MEGF11: variants seen among roughly 807,000 people sequenced by gnomAD.
MEGF11 encodes the protein multiple epidermal growth factor-like domains protein 11.
A neutral mutation model predicts 146.6 loss-of-function variants in MEGF11; 126 were observed. That is an observed-to-expected ratio of 0.86 (90% CI 0.74 to 1.00). The LOEUF is 1.00. Ranked by LOEUF, MEGF11 falls within the 50% of genes least tolerant of loss-of-function variation. The pLI is 0.00. For missense variants in MEGF11, 1,509 were observed against 1,521.2 expected (o/e 0.99, Z 0.13); for synonymous variants, 532 against 583.4 (o/e 0.91, Z 1.27).
chr15:66,240,903 G>A (rs2092196102), intron 1 of MEGF11, among the ~76,000 whole-genome samples: 1 of 152,182 alleles, frequency 6.6e-6, no homozygotes, highest in African/African-American at 2.4e-5. Flanking sequence ...ATATTATTAA[G>A]TATGTATTAG....
intron 5 of MEGF11, among the ~76,000 whole-genome samples, chr15:66,021,765 C>G (rs2083142429): frequency 6.6e-6 from 1 of 152,224 alleles, no homozygotes; most frequent in Non-Finnish European, 1.5e-5. Context: ...AGTTGGACAT[C>G]TCAGGATGGG....
chr15:66,008,003 T>A (rs432170), intron 5 of MEGF11, among the ~76,000 whole-genome samples: 111,302 of 151,884 alleles, frequency 0.73, 41,630 homozygotes, highest in Non-Finnish European at 0.81. Context: ...CTGCAGCACC[T>A]CCTCCTGCCT....
chr15:65,919,355 A>G (rs1406641741), intron 15 of MEGF11, among the ~76,000 whole-genome samples: 1 of 152,246 alleles, frequency 6.6e-6, no homozygotes, highest in Non-Finnish European at 1.5e-5. Flanking sequence ...GGCATACCTC[A>G]GAGATGTGGG....
intron 5 of MEGF11, among the ~76,000 whole-genome samples, chr15:66,059,653 A>T (rs1297041866): frequency 6.6e-6 from 1 of 151,798 alleles, no homozygotes; most frequent in Non-Finnish European, 1.5e-5. Flanking sequence ...AGAAATATGA[A>T]CTGTGCTGGC....
At chr15:66,073,304 G>A (rs1278973762) in intron 5 of MEGF11, among the ~76,000 whole-genome samples, 1 of 152,214 alleles carries the variant, frequency 6.6e-6, no homozygotes, top group Non-Finnish European at 1.5e-5. Flanking sequence ...AGCCCTTGCT[G>A]AGGATGGGCG....
intron 5 of MEGF11, among the ~76,000 whole-genome samples, chr15:65,984,525 CA>C (rs35017296): frequency 6.8e-3 from 338 of 49,484 alleles, no homozygotes; most frequent in East Asian, 0.035. Context: ...GACTCCGTGT[CA>C]AAAAAAAAAA....
chr15:66,035,309 T>C (rs74023655), intron 5 of MEGF11, among the ~76,000 whole-genome samples: 5,791 of 151,460 alleles, frequency 0.038, 341 homozygotes, highest in African/African-American at 0.14. Context: ...CTGCCGCTGG[T>C]GCTGCCACTC....
At chr15:66,018,287 C>T (rs2082966532) in intron 5 of MEGF11, among the ~76,000 whole-genome samples, 1 of 152,240 alleles carries the variant, frequency 6.6e-6, no homozygotes, top group African/African-American at 2.4e-5. Flanking sequence ...ACCAGCCAGC[C>T]AGTGGCCCTG....
At chr15:66,197,105 A>G (rs144927897) in intron 1 of MEGF11, among the ~76,000 whole-genome samples, 1 of 152,372 alleles carries the variant, frequency 6.6e-6, no homozygotes, top group East Asian at 1.9e-4. Context: ...ATGGAGCCAC[A>G]TACAGTTCTT....
intron 1 of MEGF11, among the ~76,000 whole-genome samples, chr15:66,142,952 G>A (rs8023772): frequency 0.36 from 54,934 of 151,998 alleles, 10,199 homozygotes; most frequent in East Asian, 0.43. Flanking sequence ...TTCCCCATTT[G>A]TAAAAGGAGG....
chr15:66,183,690 G>A (rs1384647144), intron 1 of MEGF11, among the ~76,000 whole-genome samples: 1 of 152,196 alleles, frequency 6.6e-6, no homozygotes, highest in African/African-American at 2.4e-5. Context: ...GGTCCAGAGA[G>A]CTTAGGACAG....
At chr15:66,229,202 G>C (rs949828600) in intron 1 of MEGF11, among the ~76,000 whole-genome samples, 5 of 151,978 alleles carry the variant, frequency 3.3e-5, no homozygotes, top group Admixed American at 6.6e-5. Context: ...AAACAACAAA[G>C]TCAAGCAGAA....
At position 65,973,626 on chromosome 15, in the gene MEGF11, G is replaced by A. The variant is rs139561014; in HGVS notation, c.763-2937C>T. Among the ~76,000 whole-genome samples, 770 of 152,110 alleles carry A rather than the reference G, an allele frequency of 5.1e-3. 5 individuals are homozygous for A. Among genetic ancestry groups the A allele is most frequent in the Non-Finnish European group, 8.8e-3 (596 of 67,974 alleles). ...AGCCTGGGCGACACAGCCAAATCCC[G>A]TGTCTTAAAACTTTTTTAAATGATT... is the stretch of plus-strand genomic sequence containing the variant. On this transcript the variant is annotated intron_variant, in intron 7 of 25. Transcript: ENST00000395614.
At chr15:66,039,393 G>A (rs2083859719) in intron 5 of MEGF11, among the ~76,000 whole-genome samples, 2 of 152,306 alleles carry the variant, frequency 1.3e-5, no homozygotes, top group African/African-American at 2.4e-5. Flanking sequence ...TTCAGCCTGG[G>A]GACCACGTCT....
At chr15:66,098,002 G>A (rs2086624920) in intron 4 of MEGF11, among the ~76,000 whole-genome samples, 2 of 152,192 alleles carry the variant, frequency 1.3e-5, no homozygotes, top group Non-Finnish European at 2.9e-5. Context: ...GTTCCCTCCA[G>A]CTCTGGGAGT....
chr15:66,026,989 T>C (rs2083350868), intron 5 of MEGF11, among the ~76,000 whole-genome samples: 1 of 152,238 alleles, frequency 6.6e-6, no homozygotes, highest in South Asian at 2.1e-4. Flanking sequence ...GAAGGACACA[T>C]ATCCCACCTG....
intron 3 of MEGF11, 142 bp downstream of exon 3, chr15:66,123,757 G>T: frequency 1.5e-6 from 1 of 667,160 alleles, no homozygotes; most frequent in Non-Finnish European, 2.7e-6. Flanking sequence ...CCAGAAAGAA[G>T]CCATCAGCAG....
chr15:65,953,048 G>T (rs1055771114), intron 10 of MEGF11, among the ~76,000 whole-genome samples: 1 of 152,186 alleles, frequency 6.6e-6, no homozygotes, highest in East Asian at 1.9e-4. Flanking sequence ...AACAGCAGTT[G>T]TGCACGTTCA....
intron 5 of MEGF11, among the ~76,000 whole-genome samples, chr15:66,006,705 C>T (rs2082531040): frequency 6.6e-6 from 1 of 152,182 alleles, no homozygotes; most frequent in African/African-American, 2.4e-5. Flanking sequence ...AATAAGAGAT[C>T]CGAATGACAT....
Sources: gnomAD v4.1 joint callset for allele counts (sites outside exome capture counted in the v4.1 genomes callset) on GRCh38, gnomAD v4.1.1 for gene constraint, MANE v1.5 for transcripts, NCBI Gene and HGNC (gene_info 2026-07-23, HGNC 2026-07-21) for gene names.